RSPO2: variants seen among roughly 807,000 people sequenced by gnomAD.
RSPO2 encodes the protein R-spondin 2, also known as R-spondin-2.
In RSPO2, 14 loss-of-function variants were observed where a neutral mutation model predicts 30.9. The ratio of observed to expected loss-of-function variants is 0.45; its 90% CI spans 0.30 to 0.71. The LOEUF (loss-of-function observed/expected upper bound fraction) is 0.71. RSPO2 is among the 30% of genes least tolerant of loss of function. The probability of loss-of-function intolerance (pLI) is 0.08; values close to 1 mark genes in which losing one functional copy is unlikely to be tolerated. For synonymous variants in RSPO2, 107 were observed against 96.4 expected, an observed-to-expected ratio of 1.11 and a Z score of -0.64; for missense variants, 264 against 301.9, an observed-to-expected ratio of 0.87 and a Z score of 0.93.
At chr8:108,031,933 A>T (rs1350907057) in intron 2 of RSPO2, among the ~76,000 whole-genome samples, 1 of 152,196 alleles carries the variant, frequency 6.6e-6, no homozygotes, top group Non-Finnish European at 1.5e-5. Flanking sequence ...CACCAGCTAC[A>T]ATGGTGACTT....
At chr8:107,972,568 C>T (rs1424835249) in intron 3 of RSPO2, among the ~76,000 whole-genome samples, 1 of 151,994 alleles carries the variant, frequency 6.6e-6, no homozygotes, top group Non-Finnish European at 1.5e-5. Flanking sequence ...GCTTTTATGT[C>T]TCATGTTTTG....
intron 5 of RSPO2, among the ~76,000 whole-genome samples, chr8:107,937,859 C>G (rs1471660533): frequency 6.6e-6 from 1 of 152,100 alleles, no homozygotes; most frequent in African/African-American, 2.4e-5. Flanking sequence ...GATCCATATA[C>G]AGGTAGTGCT....
intron 5 of RSPO2, among the ~76,000 whole-genome samples, chr8:107,917,629 A>C (rs191322534): frequency 6.6e-6 from 1 of 152,290 alleles, no homozygotes; most frequent in East Asian, 1.9e-4. Context: ...AGGTCCCCTG[A>C]AGTCTCAAAT....
intron 5 of RSPO2, among the ~76,000 whole-genome samples, chr8:107,945,504 T>C (rs992629126): frequency 6.6e-6 from 1 of 152,118 alleles, no homozygotes; most frequent in African/African-American, 2.4e-5. Context: ...TGCCTCGGCC[T>C]CCCAAAGTGC....
Position 107,960,777 on chromosome 8 carries a change from G to T in RSPO2, c.324C>A (p.Asp108Glu), listed in dbSNP as rs776067721. 3 of 1,609,612 alleles carry T rather than the reference G, an allele frequency of 1.9e-6. No individual in the cohort carries two copies. Among genetic ancestry groups the T allele is most frequent in the Admixed American group, 1.7e-5 (1 of 59,238 alleles). The change falls in exon 4 of 6, where the codon GAC (aspartate) becomes GAA (glutamate). Residue 108 changes from aspartate (D) to glutamate (E), a missense_variant. Coordinates refer to ENST00000276659, the MANE Select transcript of RSPO2 (RefSeq NM_178565.5). The part of the protein sequence containing the change: ...IENCDSCFSK[D>E]FCTKCKVGFY... ...AGCCTACTTTGCACTTGGTACAAAAGTCTTTGCTAAAGCAAGAATCACAGT... is the reference window on the plus strand; with the variant it reads ...AGCCTACTTTGCACTTGGTACAAAATTCTTTGCTAAAGCAAGAATCACAGT...
chr8:108,040,089 T>A (rs1811706877), intron 2 of RSPO2, among the ~76,000 whole-genome samples: 1 of 152,158 alleles, frequency 6.6e-6, no homozygotes, highest in Admixed American at 6.6e-5. Context: ...TATAGTAGCC[T>A]GAATAAAGAC....
intron 5 of RSPO2, among the ~76,000 whole-genome samples, chr8:107,951,063 T>G (rs1403171623): frequency 6.6e-6 from 1 of 151,154 alleles, no homozygotes. Context: ...GTTGTTGTTG[T>G]TGTTGTTGTT....
chr8:107,918,320 G>A (rs622634), intron 5 of RSPO2, among the ~76,000 whole-genome samples: 86,141 of 151,910 alleles, frequency 0.57, 25,821 homozygotes, highest in East Asian at 0.76. Context: ...AATTTATGGC[G>A]GTGTAGTTGT....
intron 5 of RSPO2, among the ~76,000 whole-genome samples, chr8:107,936,296 G>A (rs748450386): frequency 6.6e-6 from 1 of 152,076 alleles, no homozygotes; most frequent in Non-Finnish European, 1.5e-5. Flanking sequence ...TAGCCAAATA[G>A]TATTCCATTG....
intron 5 of RSPO2, among the ~76,000 whole-genome samples, chr8:107,934,649 G>A (rs1366502996): frequency 2.6e-5 from 4 of 152,188 alleles, no homozygotes; most frequent in African/African-American, 7.2e-5. Context: ...TGGGATTACA[G>A]GTGTGAGCCA....
chr8:107,980,899 C>T (rs956201545), intron 3 of RSPO2, among the ~76,000 whole-genome samples: 1 of 152,158 alleles, frequency 6.6e-6, no homozygotes, highest in Non-Finnish European at 1.5e-5. Flanking sequence ...TGTAATGATG[C>T]TATCTAATAC....
At chr8:108,076,094 A>T (rs1813005742) in intron 2 of RSPO2, among the ~76,000 whole-genome samples, 2 of 152,246 alleles carry the variant, frequency 1.3e-5, no homozygotes, top group African/African-American at 4.8e-5. Flanking sequence ...AAATTCCAGG[A>T]AGGCTTCACA....
chr8:108,012,759 T>C (rs1272038853), intron 2 of RSPO2, among the ~76,000 whole-genome samples: 1 of 152,150 alleles, frequency 6.6e-6, no homozygotes, highest in Non-Finnish European at 1.5e-5. Context: ...ACAGGATATA[T>C]AATAAAAAGA....
At chr8:108,057,887 G>C (rs1327391453) in intron 2 of RSPO2, among the ~76,000 whole-genome samples, 3 of 152,014 alleles carry the variant, frequency 2.0e-5, no homozygotes, top group African/African-American at 7.2e-5. Context: ...TGAGACAATG[G>C]GGTTTTCTAG....
chr8:107,941,383 A>G (rs990887056), intron 5 of RSPO2, among the ~76,000 whole-genome samples: 3 of 152,208 alleles, frequency 2.0e-5, no homozygotes, highest in African/African-American at 4.8e-5. Context: ...GATTGCAATG[A>G]TAACAGACTA....
intron 5 of RSPO2, among the ~76,000 whole-genome samples, chr8:107,913,959 C>G (rs1312266751): frequency 1.3e-5 from 2 of 151,670 alleles, no homozygotes; most frequent in African/African-American, 4.8e-5. Context: ...TTACTTAACT[C>G]AGGCGTTAAA....
chr8:107,949,023 T>C (rs1813157491), intron 5 of RSPO2, among the ~76,000 whole-genome samples: 1 of 151,600 alleles, frequency 6.6e-6, no homozygotes, highest in South Asian at 2.1e-4. Context: ...GGGAGGTTTT[T>C]CCCCCTAATA....
chr8:108,018,967 G>A lies in RSPO2; in HGVS notation c.95-29723C>T, dbSNP rs533669844. 7.9e-4 allele frequency among the ~76,000 whole-genome samples: 121 copies of A among 152,282 alleles called. 2 individuals carry two copies. Among genetic ancestry groups the A allele is most frequent in the Middle Eastern group, 3.4e-3 (1 of 294 alleles). On this transcript the variant is annotated intron_variant, in intron 2 of 5. Transcript: ENST00000276659. ...CTGACTTGTAGCACTATATGTATGTGTAGCTAACACAACATAGATCATTCT... is the reference window on the plus strand; with the variant it reads ...CTGACTTGTAGCACTATATGTATGTATAGCTAACACAACATAGATCATTCT...
intron 3 of RSPO2, among the ~76,000 whole-genome samples, chr8:107,986,707 T>C (rs16877056): frequency 0.098 from 14,969 of 152,154 alleles, 951 homozygotes; most frequent in East Asian, 0.24. Flanking sequence ...GTACATACAA[T>C]GCTAGCCCTA....
Sources: gnomAD v4.1 joint callset for allele counts (sites outside exome capture counted in the v4.1 genomes callset) on GRCh38, gnomAD v4.1.1 for gene constraint, MANE v1.5 for transcripts, NCBI Gene and HGNC (gene_info 2026-07-23, HGNC 2026-07-21) for gene names.